Variants in PHKB observed in about 807,000 individuals in gnomAD.
The protein encoded by PHKB is phosphorylase kinase regulatory subunit beta.
A neutral mutation model predicts 152.1 loss-of-function variants in PHKB; 122 were observed. That is an observed-to-expected ratio of 0.80 (90% CI 0.69 to 0.93). The LOEUF is 0.93. Ranked by LOEUF, PHKB falls within the 40% of genes least tolerant of loss-of-function variation. The pLI is 0.00. For missense variants in PHKB, 1,304 were observed against 1,328.4 expected (o/e 0.98, Z 0.29); for synonymous variants, 436 against 464.9 (o/e 0.94, Z 0.80).
intron 7 of PHKB, among the ~76,000 whole-genome samples, chr16:47,560,300 T>C (rs977683231): frequency 6.6e-6 from 1 of 152,194 alleles, no homozygotes; most frequent in African/African-American, 2.4e-5. Context: ...TACTTGTATA[T>C]TGAAAACTGC....
chr16:47,496,782 C>T (rs1330589781), intron 1 of PHKB, among the ~76,000 whole-genome samples: 1 of 152,134 alleles, frequency 6.6e-6, no homozygotes, highest in African/African-American at 2.4e-5. Context: ...GCTGACTCTG[C>T]TAACACCTTT....
intron 29 of PHKB, among the ~76,000 whole-genome samples, chr16:47,698,010 T>C (rs1435770139): frequency 6.6e-6 from 1 of 152,146 alleles, no homozygotes; most frequent in Non-Finnish European, 1.5e-5. Flanking sequence ...ATCCTGAACC[T>C]GGGTCCAGAG....
At chr16:47,550,651 G>T (rs1971255464) in intron 7 of PHKB, among the ~76,000 whole-genome samples, 1 of 152,156 alleles carries the variant, frequency 6.6e-6, no homozygotes, top group Non-Finnish European at 1.5e-5. Context: ...TCTAAGCTGT[G>T]AATCCATTTT....
At chr16:47,658,496 A>C (rs1295332455) in intron 20 of PHKB, among the ~76,000 whole-genome samples, 1 of 152,098 alleles carries the variant, frequency 6.6e-6, no homozygotes, top group Non-Finnish European at 1.5e-5. Context: ...TATTGTATAC[A>C]CAGAGAGGGT....
rs1973387354 is a variant in PHKB at position 47,658,866 on chromosome 16, C to T, written c.1972-1640C>T. Among the ~76,000 whole-genome samples the T allele has an allele frequency of 3.4e-5, 5 of 147,898 alleles. No individual in the cohort carries two copies. The South Asian group carries it at 1.1e-3, about 32-fold the overall frequency. Reference sequence around the variant, plus strand: ...TGTGTGTGTGTAGCTTTTTTATTGTCTATCCCCTACACATACCTATAAGAA... The same window carrying T: ...TGTGTGTGTGTAGCTTTTTTATTGTTTATCCCCTACACATACCTATAAGAA... On this transcript the variant is annotated intron_variant, in intron 20 of 30. Transcript: ENST00000323584.
chr16:47,568,116 T>C (rs746457746), intron 7 of PHKB, among the ~76,000 whole-genome samples: 3 of 152,158 alleles, frequency 2.0e-5, no homozygotes, highest in Non-Finnish European at 4.4e-5. Flanking sequence ...TTGGTACCAG[T>C]TATTTGAAAT....
At chr16:47,474,981 C>G (rs577122848) in intron 1 of PHKB, among the ~76,000 whole-genome samples, 1 of 152,178 alleles carries the variant, frequency 6.6e-6, no homozygotes, top group Non-Finnish European at 1.5e-5. Context: ...GCCTCAGCCT[C>G]CCAGAGTGCT....
At chr16:47,497,285 C>A in intron 1 of PHKB, 114 bp from the exon 2 acceptor site, 1 of 708,340 alleles carries the variant, frequency 1.4e-6, no homozygotes, top group Non-Finnish European at 2.5e-6. Flanking sequence ...TATGGTACTT[C>A]ACATAAAATA....
chr16:47,588,278 T>C lies in PHKB; in HGVS notation c.870+515T>C, dbSNP rs182410092. Among the ~76,000 whole-genome samples, 1,033 of 151,622 alleles carry C rather than the reference T, an allele frequency of 6.8e-3. 13 individuals carry two copies. The highest frequency in any genetic ancestry group is 0.023 in the African/African-American group (967 of 41,374). On this transcript the variant is annotated intron_variant, in intron 9 of 30. Coordinates refer to ENST00000323584, the MANE Select transcript of PHKB (RefSeq NM_000293.3). ...AATTTAGTTATTCAAAACAACTCTT[T>C]TATGTAAGTAATGTAAGATTATCAT...
intron 1 of PHKB, among the ~76,000 whole-genome samples, chr16:47,475,926 C>T (rs531546881): frequency 1.6e-4 from 24 of 152,232 alleles, no homozygotes; most frequent in Admixed American, 6.5e-4. Flanking sequence ...GGAATGCAGT[C>T]GTGCAGTCAT....
At chr16:47,595,514 G>A (rs540980087) in intron 12 of PHKB, among the ~76,000 whole-genome samples, 4 of 152,142 alleles carry the variant, frequency 2.6e-5, no homozygotes, top group African/African-American at 4.8e-5. Flanking sequence ...AAATGGTCAC[G>A]GGGGAGATGG....
intron 1 of PHKB, among the ~76,000 whole-genome samples, chr16:47,486,098 T>C (rs1176516276): frequency 6.6e-6 from 1 of 152,212 alleles, no homozygotes; most frequent in East Asian, 1.9e-4. Context: ...TAATTGATCG[T>C]CTTCCAATGT....
At chr16:47,541,201 G>T (rs1971051501) in intron 6 of PHKB, among the ~76,000 whole-genome samples, 1 of 152,060 alleles carries the variant, frequency 6.6e-6, no homozygotes, top group East Asian at 1.9e-4. Flanking sequence ...CTGTGTCCAA[G>T]TGTTCTCATT....
At chr16:47,517,002 G>A (rs1970609029) in intron 6 of PHKB, among the ~76,000 whole-genome samples, 1 of 152,102 alleles carries the variant, frequency 6.6e-6, no homozygotes, top group Non-Finnish European at 1.5e-5. Context: ...ATAAGGGAAA[G>A]GAGCTGGGAA....
chr16:47,591,655 T>C (rs1378827863), intron 10 of PHKB, among the ~76,000 whole-genome samples: 4 of 152,132 alleles, frequency 2.6e-5, no homozygotes, highest in Non-Finnish European at 5.9e-5. Context: ...ACTCTTAGCT[T>C]CAGCTATAGC....
intron 25 of PHKB, among the ~76,000 whole-genome samples, chr16:47,668,268 TA>T (rs1190943226): frequency 1.3e-5 from 2 of 152,140 alleles, no homozygotes; most frequent in Non-Finnish European, 2.9e-5. Flanking sequence ...TTAATAAAAG[TA>T]TTCACACGCA....
intron 6 of PHKB, among the ~76,000 whole-genome samples, chr16:47,527,947 TC>T (rs1357011246): frequency 1.3e-5 from 2 of 152,122 alleles, no homozygotes; most frequent in African/African-American, 4.8e-5. Flanking sequence ...GTCTTAGACT[TC>T]CCACTGTCAG....
At chr16:47,620,704 T>C (rs1279156944) in intron 14 of PHKB, among the ~76,000 whole-genome samples, 3 of 152,046 alleles carry the variant, frequency 2.0e-5, no homozygotes, top group African/African-American at 7.2e-5. Flanking sequence ...TGAAACCCCG[T>C]CTCTACTAAA....
At chr16:47,467,201 T>C (rs142159916) in intron 1 of PHKB, among the ~76,000 whole-genome samples, 1 of 152,340 alleles carries the variant, frequency 6.6e-6, no homozygotes, top group Admixed American at 6.5e-5. Context: ...ATACAACAAA[T>C]ATGATTTCTT....
Sources: allele counts gnomAD v4.1 joint callset (sites outside exome capture counted in the v4.1 genomes callset), GRCh38; gene constraint gnomAD v4.1.1; transcripts MANE v1.5; gene names NCBI Gene and HGNC (gene_info 2026-07-23, HGNC 2026-07-21).